LEKR1: variants seen among roughly 807,000 people sequenced by gnomAD.
The protein encoded by LEKR1 is leucine, glutamate and lysine rich 1, also known as protein LEKR1.
LEKR1 carries 59 observed loss-of-function variants against 72.4 expected under a neutral mutation model. The ratio of observed to expected loss-of-function variants is 0.82; its 90% confidence interval spans 0.66 to 1.01. The LOEUF is 1.01. Among genes scored for constraint, LEKR1 ranks in the 50% least tolerant of loss-of-function variants. LEKR1 has a pLI of 0.00. For synonymous variants in LEKR1, 257 were observed against 263.2 expected, an observed-to-expected ratio of 0.98 and a Z score of 0.23; for missense variants, 728 against 759.2, an observed-to-expected ratio of 0.96 and a Z score of 0.48.
intron 3 of LEKR1, among the ~76,000 whole-genome samples, chr3:156,898,659 T>C (rs1440124447): frequency 6.6e-6 from 1 of 152,110 alleles, no homozygotes; most frequent in Admixed American, 6.6e-5. Flanking sequence ...TTAGAAGCAT[T>C]ACAGGAAAAA....
chr3:156,828,838 T>C (rs1711993201), intron 1 of LEKR1, among the ~76,000 whole-genome samples: 1 of 152,236 alleles, frequency 6.6e-6, no homozygotes, highest in Non-Finnish European at 1.5e-5. Flanking sequence ...TCTTTTTCTG[T>C]ATTTCATCAT....
chr3:156,869,569 G>A (rs967241244), intron 3 of LEKR1, among the ~76,000 whole-genome samples: 7 of 150,140 alleles, frequency 4.7e-5, no homozygotes, highest in Non-Finnish European at 1.0e-4. Flanking sequence ...ACTGCTAAGG[G>A]TTTTTTTTTC....
intron 3 of LEKR1, among the ~76,000 whole-genome samples, chr3:156,896,423 A>G (rs1043884878): frequency 6.6e-5 from 10 of 151,906 alleles, no homozygotes; most frequent in Non-Finnish European, 1.3e-4. Flanking sequence ...TCAAAAGCAG[A>G]TACACATGTG....
intron 6 of LEKR1, chr3:156,977,557 G>A: frequency 2.9e-6 from 1 of 342,858 alleles, no homozygotes; most frequent in South Asian, 3.0e-5. Context: ...ATAACTCAAA[G>A]GAAGCAGAGG....
intron 10 of LEKR1, among the ~76,000 whole-genome samples, chr3:157,018,507 C>T (rs1393895469): frequency 1.3e-5 from 2 of 151,988 alleles, no homozygotes; most frequent in Non-Finnish European, 2.9e-5. Context: ...AATTAGAAAT[C>T]GTTAGCAGAA....
chr3:156,896,955 C>A (rs1721248604), intron 3 of LEKR1, among the ~76,000 whole-genome samples: 1 of 152,124 alleles, frequency 6.6e-6, no homozygotes, highest in Admixed American at 6.6e-5. Flanking sequence ...GAACAGAAAG[C>A]TAAGTACCAC....
intron 3 of LEKR1, among the ~76,000 whole-genome samples, chr3:156,877,702 C>A (rs1447339311): frequency 6.6e-6 from 1 of 152,050 alleles, no homozygotes; most frequent in Non-Finnish European, 1.5e-5. Context: ...TTTGGTTCTT[C>A]TCTCTTCTTA....
At chr3:156,868,928 A>G (rs1041458234) in intron 3 of LEKR1, among the ~76,000 whole-genome samples, 5 of 151,968 alleles carry the variant, frequency 3.3e-5, no homozygotes, top group African/African-American at 9.7e-5. Flanking sequence ...CCTTCTGCAT[A>G]TAAGTAAGAA....
intron 6 of LEKR1, among the ~76,000 whole-genome samples, chr3:156,951,042 T>C (rs1727111343): frequency 6.6e-6 from 1 of 151,760 alleles, no homozygotes; most frequent in African/African-American, 2.4e-5. Context: ...ATTCCTTCAA[T>C]ACTTAGTTTA....
chr3:156,928,386 G>C (rs1724920261), intron 5 of LEKR1, among the ~76,000 whole-genome samples: 1 of 152,024 alleles, frequency 6.6e-6, no homozygotes, highest in African/African-American at 2.4e-5. Context: ...CATATGTGGA[G>C]AGAGGGGGAT....
chr3:156,919,756 T>G (rs1724015507), intron 3 of LEKR1, among the ~76,000 whole-genome samples: 1 of 152,188 alleles, frequency 6.6e-6, no homozygotes, highest in African/African-American at 2.4e-5. Context: ...TAGATCAAGT[T>G]TATAATGTTA....
chr3:156,849,160 G>T (rs1198961016), intron 2 of LEKR1, among the ~76,000 whole-genome samples: 1 of 152,094 alleles, frequency 6.6e-6, no homozygotes, highest in Non-Finnish European at 1.5e-5. Context: ...ATTCACAATT[G>T]CTTCAAAGAG....
At chr3:157,034,538 A>G (rs1734832578) in intron 12 of LEKR1, among the ~76,000 whole-genome samples, 1 of 152,240 alleles carries the variant, frequency 6.6e-6, no homozygotes, top group Non-Finnish European at 1.5e-5. Context: ...ATAAAAAGTT[A>G]CTTCTTATAG....
intron 5 of LEKR1, among the ~76,000 whole-genome samples, chr3:156,938,558 G>T (rs977896690): frequency 6.6e-6 from 1 of 152,062 alleles, no homozygotes; most frequent in Non-Finnish European, 1.5e-5. Context: ...TGTATTTTTA[G>T]TAGAGACAGG....
At chr3:156,893,427 T>C (rs1720857830) in intron 3 of LEKR1, among the ~76,000 whole-genome samples, 1 of 152,158 alleles carries the variant, frequency 6.6e-6, no homozygotes, top group South Asian at 2.1e-4. Flanking sequence ...GCATCTGATA[T>C]AGTTTAGATG....
At chr3:156,937,896 G>C (rs532028737) in intron 5 of LEKR1, among the ~76,000 whole-genome samples, 15 of 152,256 alleles carry the variant, frequency 9.9e-5, no homozygotes, top group African/African-American at 3.6e-4. Flanking sequence ...TATGCTGAGT[G>C]AAAATAGCCA....
At chr3:156,939,265 G>A (rs1274672996) in intron 5 of LEKR1, among the ~76,000 whole-genome samples, 1 of 152,072 alleles carries the variant, frequency 6.6e-6, no homozygotes, top group African/African-American at 2.4e-5. Context: ...AGACACCTAC[G>A]GACACCATGT....
At chr3:156,938,525 T>G (rs1725924708) in intron 5 of LEKR1, among the ~76,000 whole-genome samples, 2 of 152,078 alleles carry the variant, frequency 1.3e-5, no homozygotes, top group African/African-American at 2.4e-5. Flanking sequence ...TACAGGCGCA[T>G]GCCACCACCC....
chr3:157,043,589 T>C (rs1046335706), intron 12 of LEKR1, among the ~76,000 whole-genome samples: 2 of 152,110 alleles, frequency 1.3e-5, no homozygotes, highest in African/African-American at 4.8e-5. Context: ...CAGAGTGGAG[T>C]TACTCTCAGC....
Sources: gnomAD v4.1 joint callset for allele counts (sites outside exome capture counted in the v4.1 genomes callset) on GRCh38, gnomAD v4.1.1 for gene constraint, MANE v1.5 for transcripts, NCBI Gene and HGNC (gene_info 2026-07-23, HGNC 2026-07-21) for gene names.